Variants in SQOR observed in about 807,000 individuals in gnomAD.
SQOR encodes sulfide:quinone oxidoreductase, mitochondrial.
SQOR carries 39 observed loss-of-function variants against 48.6 expected under a neutral mutation model. The ratio of observed to expected loss-of-function variants is 0.80; its 90% CI spans 0.62 to 1.05. SQOR has a LOEUF of 1.05. Ranked by LOEUF, SQOR falls within the 50% of genes least tolerant of loss-of-function variation. The pLI is 0.00. For synonymous variants in SQOR, 220 were observed against 206.2 expected (o/e 1.07, Z -0.57); for missense variants, 561 against 559.9 (o/e 1.00, Z -0.02).
chr15:45,668,152 G>C (rs938967714), intron 3 of SQOR, among the ~76,000 whole-genome samples: 1 of 151,796 alleles, frequency 6.6e-6, no homozygotes, highest in Non-Finnish European at 1.5e-5. Context: ...CGCTATGTGG[G>C]CCAGGCTGGT....
chr15:45,673,903 C>T (rs16946821), intron 5 of SQOR, 102 bp downstream of exon 5: 89,799 of 1,160,270 alleles, frequency 0.077, 4,405 homozygotes, highest in East Asian at 0.25. Flanking sequence ...TTTTTTATCT[C>T]GGAATTTTTA....
intron 9 of SQOR, 146 bp from the exon 10 acceptor site, chr15:45,690,827 G>T: frequency 1.3e-6 from 1 of 741,056 alleles, no homozygotes. Flanking sequence ...CTAGTCATGG[G>T]ATCTCTCCAA....
upstream of SQOR, among the ~76,000 whole-genome samples, chr15:45,633,137 A>C (rs929844854): frequency 3.3e-5 from 5 of 151,884 alleles, no homozygotes; most frequent in Non-Finnish European, 4.4e-5. Flanking sequence ...AAAAAAAAAA[A>C]AACCCAAAAA....
At chr15:45,675,249 C>A (rs1890015639) in intron 5 of SQOR, among the ~76,000 whole-genome samples, 1 of 152,054 alleles carries the variant, frequency 6.6e-6, no homozygotes. Flanking sequence ...AGATGGCCTA[C>A]GAGGAAGGTT....
chr15:45,656,509 C>T (rs1331274099), intron 1 of SQOR, among the ~76,000 whole-genome samples: 1 of 151,396 alleles, frequency 6.6e-6, no homozygotes, highest in Non-Finnish European at 1.5e-5. Context: ...CCATGCTAGT[C>T]TCAAACTCCT....
In SQOR at chr15:45,673,731, C is replaced by T; in HGVS notation, c.584C>T (p.Pro195Leu). The T allele has an allele frequency of 6.2e-7, 1 of 1,614,168 alleles. No individual in the cohort carries two copies. ...GAGGGCAATGCCATCTTCACCTTCC[C>T]AAATACTCCAGTGAAGTGTGCTGGA... ...FKEGNAIFTF[P>L]NTPVKCAGAP... The change falls in exon 5 of 10, where the codon CCA (proline) becomes CTA (leucine). Residue 195 changes from proline to leucine, a missense_variant. Pro to Leu is a moderately conservative substitution (Grantham distance 98). Coordinates refer to ENST00000260324, the MANE Select transcript of SQOR (RefSeq NM_021199.4).
chr15:45,659,411 C>T (rs1444940154), intron 2 of SQOR, among the ~76,000 whole-genome samples: 2 of 152,148 alleles, frequency 1.3e-5, no homozygotes, highest in Admixed American at 6.5e-5. Context: ...GCTGCCATAA[C>T]AAATTACTGC....
At position 45,673,669 on chromosome 15, in the gene SQOR, T is replaced by G. The variant is rs1889982151; in HGVS notation, c.522T>G (p.Thr174=). 1.2e-6 allele frequency: 2 copies of G among 1,614,112 alleles called. No homozygotes were observed. The highest frequency in any genetic ancestry group is 1.7e-5 in the Admixed American group (1 of 60,010). ...PKIGSNYSVK[T]VEKTWKALQD... is the part of the protein sequence containing the mutation. Reference sequence around the variant, plus strand: ...TAGGGTCGAATTATTCAGTTAAGACTGTAGAGAAGACATGGAAAGCTCTGC... The same window carrying G: ...TAGGGTCGAATTATTCAGTTAAGACGGTAGAGAAGACATGGAAAGCTCTGC... The change falls in exon 5 of 10, where the codon ACT becomes ACG. Residue 174 remains threonine, a synonymous_variant. Transcript: ENST00000260324.
At chr15:45,686,084 G>C (rs1595511447) in intron 7 of SQOR, among the ~76,000 whole-genome samples, 1 of 151,708 alleles carries the variant, frequency 6.6e-6, no homozygotes, top group South Asian at 2.1e-4. Context: ...GGGCTCAAGC[G>C]ATCCTCCTGC....
chr15:45,658,371 G>A (rs676476), intron 1 of SQOR, among the ~76,000 whole-genome samples: 101,185 of 152,002 alleles, frequency 0.67, 33,790 homozygotes, highest in Admixed American at 0.75. Flanking sequence ...TGATTGCCCT[G>A]GTGGGTACTC....
At chr15:45,679,004 G>A (rs1890081597) in intron 6 of SQOR, among the ~76,000 whole-genome samples, 1 of 152,190 alleles carries the variant, frequency 6.6e-6, no homozygotes, top group African/African-American at 2.4e-5. Context: ...CCTTTTATGA[G>A]CAAAGTGTAT....
chr15:45,644,236 C>T (rs1190087971), intron 1 of SQOR, among the ~76,000 whole-genome samples: 2 of 152,010 alleles, frequency 1.3e-5, no homozygotes, highest in East Asian at 1.9e-4. Context: ...TACAGGCACC[C>T]GCCATCATGC....
At chr15:45,684,015 G>A (rs190361124) in intron 7 of SQOR, among the ~76,000 whole-genome samples, 1 of 151,886 alleles carries the variant, frequency 6.6e-6, no homozygotes, top group Admixed American at 6.6e-5. Flanking sequence ...AGGTTCAAGC[G>A]ATTCTCCTTC....
At chr15:45,632,866 G>A (rs1357682807), upstream of SQOR, among the ~76,000 whole-genome samples, 2 of 152,018 alleles carry the variant, frequency 1.3e-5, no homozygotes, top group Non-Finnish European at 2.9e-5. Context: ...TACCTTGAGA[G>A]GCTGAGGCGG....
chr15:45,662,919 T>G (rs1322559502), intron 3 of SQOR, among the ~76,000 whole-genome samples: 1 of 152,208 alleles, frequency 6.6e-6, no homozygotes, highest in Non-Finnish European at 1.5e-5. Flanking sequence ...CCCCTTCAAC[T>G]GGGACTCTGG....
chr15:45,650,091 C>G (rs957083700), intron 1 of SQOR, among the ~76,000 whole-genome samples: 2 of 150,424 alleles, frequency 1.3e-5, no homozygotes, highest in Non-Finnish European at 3.0e-5. Flanking sequence ...GATCCATCTG[C>G]CTCAGCCTCC....
chr15:45,636,528 C>T (rs761267736), intron 1 of SQOR, among the ~76,000 whole-genome samples: 5 of 151,780 alleles, frequency 3.3e-5, no homozygotes, highest in Admixed American at 1.3e-4. Context: ...CTCAGCCTCC[C>T]GAGTAGATGG....
intron 1 of SQOR, among the ~76,000 whole-genome samples, chr15:45,648,622 T>TGCG (rs1889395354): frequency 6.6e-6 from 1 of 152,194 alleles, no homozygotes; most frequent in Non-Finnish European, 1.5e-5. Flanking sequence ...AGGATTTAGT[T>TGCG]GAGGAGGAGG....
intron 6 of SQOR, among the ~76,000 whole-genome samples, chr15:45,680,968 G>C (rs1312391545): frequency 6.6e-6 from 1 of 152,002 alleles, no homozygotes; most frequent in Non-Finnish European, 1.5e-5. Flanking sequence ...CAGCACTTTG[G>C]GAGGCTGAGA....
Sources: gnomAD v4.1 joint callset for allele counts (sites outside exome capture counted in the v4.1 genomes callset) on GRCh38, gnomAD v4.1.1 for gene constraint, MANE v1.5 for transcripts, NCBI Gene and HGNC (gene_info 2026-07-23, HGNC 2026-07-21) for gene names.